The following NTM variants were observed in gnomAD, a reference collection of about 807,000 sequenced individuals.
NTM encodes the protein IgLON family member 2.
A neutral mutation model predicts 42.1 loss-of-function variants in NTM; 13 were observed. The ratio of observed to expected loss-of-function variants is 0.31; its 90% CI spans 0.20 to 0.49. The LOEUF (loss-of-function observed/expected upper bound fraction) is 0.49, where lower values mean the gene tolerates loss of function less well. Ranked by LOEUF, NTM falls within the 20% of genes least tolerant of loss-of-function variation. NTM has a pLI of 0.99. For synonymous variants in NTM, 187 were observed against 179.2 expected (o/e 1.04, Z -0.35); for missense variants, 373 against 452.8 (o/e 0.82, Z 1.60).
chr11:131,462,688 A>T (rs1951501711), intron 1 of NTM, among the ~76,000 whole-genome samples: 1 of 152,058 alleles, frequency 6.6e-6, no homozygotes. Context: ...ATCCTGGCAA[A>T]CTCCAACATG....
At chr11:132,070,428 G>A in intron 2 of NTM, among the ~76,000 whole-genome samples, 1 of 132,684 alleles carries the variant, frequency 7.5e-6, no homozygotes, top group East Asian at 2.3e-4. Context: ...ACCGTCACAG[G>A]TTAGTTAACA....
intron 5 of NTM, 62 bp from the exon 6 acceptor site, chr11:132,310,050 C>CCAT (rs1391904140): frequency 6.7e-7 from 1 of 1,487,892 alleles, no homozygotes; most frequent in Admixed American, 2.4e-5. Flanking sequence ...GAGCAAGACT[C>CCAT]CATCTCAAAA....
chr11:131,786,522 C>G (rs2089254517), intron 1 of NTM, among the ~76,000 whole-genome samples: 1 of 152,052 alleles, frequency 6.6e-6, no homozygotes, highest in Non-Finnish European at 1.5e-5. Flanking sequence ...TATTTAATGA[C>G]CCAGATGATT....
chr11:131,926,182 G>A (rs1415155251), intron 2 of NTM, among the ~76,000 whole-genome samples: 1 of 152,070 alleles, frequency 6.6e-6, no homozygotes, highest in South Asian at 2.1e-4. Context: ...CCTCGCTGAC[G>A]ATGTTGTTCA....
chr11:132,099,923 C>T (rs2061436775), intron 2 of NTM, among the ~76,000 whole-genome samples: 1 of 152,138 alleles, frequency 6.6e-6, no homozygotes, highest in Admixed American at 6.5e-5. Context: ...ACCCTGTGCT[C>T]TACCCCATCC....
At chr11:132,280,678 G>A (rs2093943358) in intron 4 of NTM, among the ~76,000 whole-genome samples, 1 of 151,916 alleles carries the variant, frequency 6.6e-6, no homozygotes, top group African/African-American at 2.4e-5. Flanking sequence ...TAGAGACAGG[G>A]TTTCACCATG....
intron 1 of NTM, among the ~76,000 whole-genome samples, chr11:131,572,339 C>A (rs1032233537): frequency 2.6e-5 from 4 of 152,136 alleles, no homozygotes; most frequent in African/African-American, 9.7e-5. Flanking sequence ...ATACAGAGAA[C>A]AATTTAAGAT....
chr11:131,698,684 A>G (rs570205887), intron 1 of NTM, among the ~76,000 whole-genome samples: 8 of 152,360 alleles, frequency 5.3e-5, no homozygotes. Flanking sequence ...TCCAAGGTGT[A>G]CATGGCGAGT....
intron 2 of NTM, among the ~76,000 whole-genome samples, chr11:131,971,766 C>A (rs1383825877): frequency 6.6e-6 from 1 of 151,796 alleles, no homozygotes; most frequent in Non-Finnish European, 1.5e-5. Context: ...AAAAAATTAG[C>A]TGGGCGCAGT....
At chr11:132,134,935 C>G (rs1186236320) in intron 2 of NTM, among the ~76,000 whole-genome samples, 3 of 151,508 alleles carry the variant, frequency 2.0e-5, no homozygotes, top group African/African-American at 7.3e-5. Context: ...ACTTTTAGTT[C>G]TTTAAGGAAT....
intron 1 of NTM, chr11:131,769,455 A>G (rs1033155330): frequency 1.8e-5 from 4 of 219,480 alleles, no homozygotes; most frequent in African/African-American, 9.4e-5. Context: ...AGAAAAAGAA[A>G]CTAAAGAACA....
intron 1 of NTM, among the ~76,000 whole-genome samples, chr11:131,574,582 G>A (rs976099839): frequency 2.1e-4 from 30 of 146,220 alleles, no homozygotes; most frequent in African/African-American, 7.5e-4. Context: ...GTGTGTGTGT[G>A]TGTGTCTACA....
intron 1 of NTM, among the ~76,000 whole-genome samples, chr11:131,748,862 G>A (rs750782022): frequency 2.0e-4 from 30 of 152,178 alleles, no homozygotes; most frequent in South Asian, 2.1e-4. Flanking sequence ...GGGACTGGAC[G>A]GTTCCCAGTG....
At chr11:132,001,776 G>GCACA (rs35551724) in intron 2 of NTM, among the ~76,000 whole-genome samples, 3,389 of 147,306 alleles carry the variant, frequency 0.023, 112 homozygotes, top group African/African-American at 0.072. Context: ...ACACAGACAG[G>GCACA]CACACACACA....
intron 1 of NTM, among the ~76,000 whole-genome samples, chr11:131,757,580 A>G (rs192865483): frequency 2.0e-5 from 3 of 152,308 alleles, no homozygotes; most frequent in Admixed American, 6.5e-5. Flanking sequence ...GCCAGGTGAG[A>G]CGGGGCTGAG....
chr11:131,370,976 T>C, intron 1 of NTM, 88 bp downstream of exon 1: 17 of 1,579,100 alleles, frequency 1.1e-5, no homozygotes, highest in Non-Finnish European at 1.5e-5. Flanking sequence ...GAGTCGGCTG[T>C]GCTGCGCTGT....
Position 131,724,985 on chromosome 11 carries a change from G to C in NTM, c.83-186579G>C, listed in dbSNP as rs78474346. Among the ~76,000 whole-genome samples, 946 of 152,278 alleles carry C rather than the reference G, an allele frequency of 6.2e-3. 8 individuals carry two copies. The highest frequency in any genetic ancestry group is 0.02 in the African/African-American group (820 of 41,552). ...TCAGGAGCCATGGGGTAGGTTTACT[G>C]TCTGGGAACTCAGGTCCAGGGACAA... On this transcript the variant is annotated intron_variant, in intron 1 of 8. Transcript: ENST00000683400.
chr11:131,652,021 C>G (rs377573431), intron 1 of NTM, among the ~76,000 whole-genome samples: 2 of 152,244 alleles, frequency 1.3e-5, no homozygotes, highest in African/African-American at 4.8e-5. Context: ...TGGAAGCAGA[C>G]ACTCTCCCAT....
intron 1 of NTM, among the ~76,000 whole-genome samples, chr11:131,500,612 T>C (rs2046684062): frequency 6.9e-6 from 1 of 145,868 alleles, no homozygotes; most frequent in Non-Finnish European, 1.5e-5. Flanking sequence ...TACTTTAAGT[T>C]CTAGGGTACA....
Sources: gnomAD v4.1 joint callset for allele counts (sites outside exome capture counted in the v4.1 genomes callset) on GRCh38, gnomAD v4.1.1 for gene constraint, MANE v1.5 for transcripts, NCBI Gene and HGNC (gene_info 2026-07-23, HGNC 2026-07-21) for gene names.